FRMPD2: variants seen among roughly 807,000 people sequenced by gnomAD.
FRMPD2 encodes FERM and PDZ domain containing 2.
In FRMPD2, 96 loss-of-function variants were observed where a neutral mutation model predicts 140.1. That is an observed-to-expected ratio of 0.69 (90% confidence interval 0.58 to 0.81). The LOEUF (loss-of-function observed/expected upper bound fraction) is 0.81, where lower values mean the gene tolerates loss of function less well. Ranked by LOEUF, FRMPD2 falls within the 40% of genes least tolerant of loss-of-function variation. FRMPD2 has a pLI of 0.00. For missense variants in FRMPD2, 1,240 were observed against 1,447.4 expected (o/e 0.86, Z 2.32); for synonymous variants, 449 against 547.6 (o/e 0.82, Z 2.52).
intron 16 of FRMPD2, among the ~76,000 whole-genome samples, chr10:48,188,511 G>T (rs2131843087): frequency 6.6e-6 from 1 of 152,356 alleles, no homozygotes; most frequent in East Asian, 1.9e-4. Flanking sequence ...GAGCTCCAAG[G>T]CACTGAGGGT....
intron 22 of FRMPD2, chr10:48,177,816 C>A (rs1316321562): frequency 2.7e-6 from 1 of 364,072 alleles, no homozygotes; most frequent in African/African-American, 2.1e-5. Context: ...ACTGCCTCCT[C>A]ATGAGTTTGG....
At chr10:48,242,058 A>T in intron 5 of FRMPD2, 103 bp downstream of exon 5, 3 of 846,506 alleles carry the variant, frequency 3.5e-6, no homozygotes, top group Non-Finnish European at 5.3e-6. Flanking sequence ...TGATTAATTT[A>T]ATTTTTTATT....
intron 1 of FRMPD2, among the ~76,000 whole-genome samples, chr10:48,268,332 T>C (rs1252965852): frequency 6.6e-6 from 1 of 152,180 alleles, no homozygotes; most frequent in Non-Finnish European, 1.5e-5. Context: ...AGTTTCTTTT[T>C]AAAAAAGAGA....
chr10:48,271,846 C>T (rs1425094210), intron 1 of FRMPD2, among the ~76,000 whole-genome samples: 1 of 152,194 alleles, frequency 6.6e-6, no homozygotes. Context: ...CTGGATTGAT[C>T]CCACCTCACC....
At chr10:48,250,885 C>T (rs1380174825) in intron 2 of FRMPD2, among the ~76,000 whole-genome samples, 1 of 151,024 alleles carries the variant, frequency 6.6e-6, no homozygotes, top group African/African-American at 2.4e-5. Flanking sequence ...CAACCTCTGC[C>T]TCCTGGGTTC....
intron 16 of FRMPD2, among the ~76,000 whole-genome samples, chr10:48,188,443 G>C (rs1838744023): frequency 6.6e-6 from 1 of 152,224 alleles, no homozygotes; most frequent in African/African-American, 2.4e-5. Flanking sequence ...GCTCATGTTT[G>C]TGCTTGCCTT....
rs536358782 is a variant in FRMPD2 at position 48,165,229 on chromosome 10, CT to C, written c.3538-1559del. ...CTAAATTATTTCTCATCTTGTCTCT[CT>C]CTTCAAGTTTCTAACAACTCCACCC... On this transcript the variant is annotated intron_variant, in intron 27 of 28. Coordinates refer to ENST00000374201, the MANE Select transcript of FRMPD2 (RefSeq NM_001018071.4). Among the ~76,000 whole-genome samples the C allele has an allele frequency of 1.9e-3, 270 of 143,846 alleles. 13 individuals carry two copies. Among genetic ancestry groups the C allele is most frequent in the African/African-American group, 7.1e-3 (261 of 36,946 alleles). The allele number at this position is 143,846 out of a possible 152,430, so 94.4% of individuals were successfully genotyped here.
rs752091231 is a variant in FRMPD2, at chr10:48,239,708, G to C, written c.701-16C>G. 1 of 1,603,540 alleles carries C rather than the reference G, an allele frequency of 6.2e-7. No homozygotes were observed. Among genetic ancestry groups the C allele is most frequent in the Non-Finnish European group, 8.5e-7 (1 of 1,170,846 alleles). On this transcript the variant is annotated splice_polypyrimidine_tract_variant and intron_variant, in intron 6 of 28. Transcript: ENST00000374201. The stretch of plus-strand genomic sequence containing the variant: ...CTTTCTGAAACTAATCAAGCAGCAT[G>C]GTAGAGGGTATGGGCAGAAGCCAAG...
intron 21 of FRMPD2, among the ~76,000 whole-genome samples, chr10:48,180,198 G>A (rs1307987145): frequency 6.6e-6 from 1 of 152,182 alleles, no homozygotes; most frequent in East Asian, 1.9e-4. Flanking sequence ...ACACAGCAAG[G>A]TGACTCAGTC....
intron 12 of FRMPD2, among the ~76,000 whole-genome samples, chr10:48,213,643 TA>T (rs562654154): frequency 1.2e-4 from 18 of 148,500 alleles, no homozygotes; most frequent in East Asian, 3.9e-4. Context: ...TGTCCAGTGC[TA>T]AAAAAAAAAT....
rs575785799 is a variant in FRMPD2, at chr10:48,187,305, GA to G, written c.2166-14del. ...GCCAGTGCAGGGGCTGCCGGGAAAA[GA>G]AAATGAGGTTAGATAAGGTGGCCCA... On this transcript the variant is annotated splice_polypyrimidine_tract_variant and intron_variant, in intron 16 of 28. Transcript: ENST00000374201. 13,391 of 1,612,712 alleles carry G rather than the reference GA, an allele frequency of 8.3e-3. 80 individuals carry two copies. Among genetic ancestry groups the G allele is most frequent in the Non-Finnish European group, 9.3e-3 (10,927 of 1,178,976 alleles).
chr10:48,191,416 T>C (rs1423839328), intron 16 of FRMPD2, among the ~76,000 whole-genome samples: 3 of 152,318 alleles, frequency 2.0e-5, no homozygotes, highest in African/African-American at 7.2e-5. Flanking sequence ...ATCCAGTTCA[T>C]TGTGAAATGG....
intron 15 of FRMPD2, among the ~76,000 whole-genome samples, chr10:48,198,069 A>G (rs17697186): frequency 0.2 from 30,345 of 152,188 alleles, 3,590 homozygotes; most frequent in Non-Finnish European, 0.26. Context: ...GCTCCATAGC[A>G]CTTCGTAAAT....
At chr10:48,242,066 A>T (rs941972603) in intron 5 of FRMPD2, 95 bp downstream of exon 5, 1 of 898,536 alleles carries the variant, frequency 1.1e-6, no homozygotes, top group Non-Finnish European at 1.6e-6. Context: ...TTAATTTTTT[A>T]TTTTATTTTA....
rs71788001 is a variant in FRMPD2 at position 48,216,290 on chromosome 10, G to GGATAGATAGATA, written c.1456-4193_1456-4182dup. Among the ~76,000 whole-genome samples, 640 of 149,660 alleles carry GGATAGATAGATA rather than the reference G, an allele frequency of 4.3e-3. 1 individual carries two copies. The highest frequency in any genetic ancestry group is 8.2e-3 in the East Asian group (41 of 5,028). ...GGCAGATGATAGATACATAGATGAT[G>GGATAGATAGATA]GATAGATAGATAGATAGATAGATAG... On this transcript the variant is annotated intron_variant, in intron 12 of 28. Transcript: ENST00000374201.
In FRMPD2 at chr10:48,201,380, T is replaced by A; in HGVS notation, c.1802A>T (p.Lys601Ile). 1 of 1,613,506 alleles carries A rather than the reference T, an allele frequency of 6.2e-7. No individual in the cohort carries two copies. Among genetic ancestry groups the A allele is most frequent in the Non-Finnish European group, 8.5e-7 (1 of 1,179,620 alleles). ...RETGKISTYQKKFTITSSVTG... is the reference protein window; with the variant it reads ...RETGKISTYQIKFTITSSVTG... ...GACACTGCTTGTGATGGTGAACTTT[T>A]TTTGCTGAAGGAAGCAAACACAGAC... Residue 601 changes from lysine (K) to isoleucine (I), a missense_variant, in exon 15 of 29, where the codon AAA becomes ATA. Coordinates refer to ENST00000374201, the MANE Select transcript of FRMPD2 (RefSeq NM_001018071.4).
chr10:48,263,864 A>G (rs1840637375), intron 1 of FRMPD2, among the ~76,000 whole-genome samples: 1 of 152,148 alleles, frequency 6.6e-6, no homozygotes, highest in South Asian at 2.1e-4. Context: ...CTACAGATCA[A>G]TAGTTTTCAT....
At chr10:48,185,367 A>G (rs1334457863) in intron 18 of FRMPD2, among the ~76,000 whole-genome samples, 186 bp downstream of exon 18, 1 of 152,212 alleles carries the variant, frequency 6.6e-6, no homozygotes, top group East Asian at 1.9e-4. Context: ...ACTTGGAAAC[A>G]AAAGTCCCAT....
intron 26 of FRMPD2, among the ~76,000 whole-genome samples, chr10:48,170,285 T>C (rs1384793963): frequency 1.3e-5 from 2 of 151,752 alleles, no homozygotes; most frequent in African/African-American, 4.8e-5. Context: ...TCCAAATTCC[T>C]CCCTTCAGGT....
Sources: gnomAD v4.1 joint callset for allele counts (sites outside exome capture counted in the v4.1 genomes callset) on GRCh38, gnomAD v4.1.1 for gene constraint, MANE v1.5 for transcripts, NCBI Gene and HGNC (gene_info 2026-07-23, HGNC 2026-07-21) for gene names.